Variants in UNC80 observed in about 807,000 individuals in gnomAD.
UNC80 encodes protein unc-80 homolog.
UNC80 carries 164 observed loss-of-function variants against 384.6 expected under a neutral mutation model. The ratio of observed to expected loss-of-function variants is 0.43; its 90% CI spans 0.38 to 0.49. The LOEUF is 0.49. UNC80 is among the 20% of genes least tolerant of loss of function. UNC80 has a pLI of 0.00. For missense variants in UNC80, 3,330 were observed against 4,143.0 expected, an observed-to-expected ratio of 0.80 and a Z score of 5.39; for synonymous variants, 1,486 against 1,527.8, an observed-to-expected ratio of 0.97 and a Z score of 0.64.
Position 209,777,477 on chromosome 2 carries a change from A to G in UNC80, c.518A>G (p.Asn173Ser), listed in dbSNP as rs764332970. 3.1e-6 allele frequency: 5 copies of G among 1,614,082 alleles called. No individual in the cohort carries two copies. Among genetic ancestry groups the G allele is most frequent in the African/African-American group, 2.7e-5 (2 of 74,930 alleles). Residue 173 changes from asparagine (N) to serine (S), a missense_variant, in exon 4 of 65, where the codon AAC (asparagine) becomes AGC (serine). By Grantham distance (46) the Asn-to-Ser change is conservative. Coordinates refer to ENST00000673920, the MANE Select transcript of UNC80 (RefSeq NM_001371986.1). Reference sequence around the variant, plus strand: ...AGCTCTAATGACGAAGAAGAGAACAACCGAAGAAAGATCTTCCAGAACTCC... The same window carrying G: ...AGCTCTAATGACGAAGAAGAGAACAGCCGAAGAAAGATCTTCCAGAACTCC... ...QSSSNDEEEN[N>S]RRKIFQNSMA... is the part of the protein sequence containing the mutation.
At chr2:209,914,681 G>GTGTGTGTGTA (rs770809140) in intron 31 of UNC80, among the ~76,000 whole-genome samples, 9 of 149,554 alleles carry the variant, frequency 6.0e-5, no homozygotes, top group African/African-American at 2.2e-4. Flanking sequence ...GTGTGTGTGT[G>GTGTGTGTGTA]TATATAAATA....
intron 23 of UNC80, among the ~76,000 whole-genome samples, chr2:209,873,416 A>G (rs1449340796): frequency 1.3e-5 from 2 of 152,166 alleles, no homozygotes; most frequent in African/African-American, 4.8e-5. Flanking sequence ...CTAATTTCTT[A>G]GTGAAATTTT....
chr2:209,886,690 T>G (rs1559265845), intron 25 of UNC80, among the ~76,000 whole-genome samples: 2 of 152,126 alleles, frequency 1.3e-5, no homozygotes. Context: ...CCTCTGGCCT[T>G]CATGCATGAG....
chr2:209,888,760 T>C lies in UNC80; in HGVS notation c.4276+500T>C, dbSNP rs569936034. On this transcript the variant is annotated intron_variant, in intron 26 of 64. Coordinates refer to ENST00000673920, the MANE Select transcript of UNC80 (RefSeq NM_001371986.1). ...CCTCCCTAGTAGCTGGGATTACAGG[T>C]GCCCGCCACCACGCCCGGCTAATTT... Among the ~76,000 whole-genome samples the C allele has an allele frequency of 2.2e-3, 329 of 152,122 alleles. 1 individual carries two copies. The highest frequency in any genetic ancestry group is 7.6e-3 in the African/African-American group (317 of 41,500).
At chr2:209,852,735 G>A (rs1007916436) in intron 22 of UNC80, among the ~76,000 whole-genome samples, 1 of 152,064 alleles carries the variant, frequency 6.6e-6, no homozygotes, top group Non-Finnish European at 1.5e-5. Flanking sequence ...TGGGTTAGGG[G>A]TTCCTCAGGG....
chr2:209,840,449 C>CT (rs1197719472), intron 19 of UNC80, 93 bp from the exon 20 acceptor site: 1 of 1,049,898 alleles, frequency 9.5e-7, no homozygotes, highest in African/African-American at 1.6e-5. Flanking sequence ...AGCCATGTAA[C>CT]TTTCATCGCT....
chr2:209,792,417 G>A (rs1421380112), intron 6 of UNC80, among the ~76,000 whole-genome samples: 1 of 152,162 alleles, frequency 6.6e-6, no homozygotes, highest in South Asian at 2.1e-4. Context: ...GCGCGATCTT[G>A]GCTCACTGAA....
intron 28 of UNC80, 68 bp from the exon 29 acceptor site, chr2:209,904,697 C>A: frequency 1.5e-6 from 2 of 1,363,902 alleles, no homozygotes; most frequent in Non-Finnish European, 2.0e-6. Flanking sequence ...ATCTTCCACC[C>A]CATAGATATG....
chr2:209,805,424 T>C lies in UNC80; in HGVS notation c.939-8156T>C, dbSNP rs1458725345. Among the ~76,000 whole-genome samples, 7 of 152,226 alleles carry C rather than the reference T, an allele frequency of 4.6e-5. No homozygotes were observed. The East Asian group carries it at 1.3e-3, about 29-fold the overall frequency. ...AGCAGTTTAAAACAAAGGACGTTTATTTTTTTGCATAGTTTCTGAGGATCA... is the reference window on the plus strand; with the variant it reads ...AGCAGTTTAAAACAAAGGACGTTTACTTTTTTGCATAGTTTCTGAGGATCA... On this transcript the variant is annotated intron_variant, in intron 7 of 64. Coordinates refer to ENST00000673920, the MANE Select transcript of UNC80 (RefSeq NM_001371986.1).
At chr2:209,878,876 C>T (rs2085016324) in intron 24 of UNC80, among the ~76,000 whole-genome samples, 1 of 152,134 alleles carries the variant, frequency 6.6e-6, no homozygotes, top group African/African-American at 2.4e-5. Context: ...ATTCAAGCTC[C>T]CTGACTACAT....
At chr2:209,805,115 TC>T (rs2078811706) in intron 7 of UNC80, among the ~76,000 whole-genome samples, 1 of 152,222 alleles carries the variant, frequency 6.6e-6, no homozygotes, top group Non-Finnish European at 1.5e-5. Flanking sequence ...CTTTTCTCCC[TC>T]AACTTACTAT....
chr2:209,835,067 A>G, intron 18 of UNC80, 57 bp downstream of exon 18: 1 of 1,359,112 alleles, frequency 7.4e-7, no homozygotes, highest in Non-Finnish European at 1.0e-6. Context: ...ACTCTGGAAG[A>G]ATTTCTATTT....
intron 22 of UNC80, among the ~76,000 whole-genome samples, chr2:209,861,477 A>G (rs2083338091): frequency 6.6e-6 from 1 of 152,138 alleles, no homozygotes; most frequent in Non-Finnish European, 1.5e-5. Flanking sequence ...TTTCACACAG[A>G]TGTTCATCAG....
intron 51 of UNC80, among the ~76,000 whole-genome samples, chr2:209,964,955 G>T (rs903106902): frequency 5.3e-5 from 8 of 151,986 alleles, no homozygotes; most frequent in Admixed American, 2.6e-4. Context: ...GAATATTTGG[G>T]TTTTTTAAAA....
At chr2:209,928,373 A>G (rs371915619) in intron 36 of UNC80, among the ~76,000 whole-genome samples, 1 of 152,070 alleles carries the variant, frequency 6.6e-6, no homozygotes, top group Non-Finnish European at 1.5e-5. Context: ...ACGTAAATAT[A>G]TATTTCATGT....
chr2:209,997,314 C>G lies in UNC80; in HGVS notation c.*1719C>G, dbSNP rs1452700464. On this transcript the variant is annotated 3_prime_UTR_variant, in exon 65 of 65. Transcript: ENST00000673920. Reference sequence around the variant, plus strand: ...ATTTACAGTTAATGCTGAAATAATTCTCAAGTGCAGGAATATAAATGTTAA... The same window carrying G: ...ATTTACAGTTAATGCTGAAATAATTGTCAAGTGCAGGAATATAAATGTTAA... 1.3e-5 allele frequency: 2 copies of G among 152,196 alleles called. No individual in the cohort carries two copies. Among genetic ancestry groups the G allele is most frequent in the African/African-American group, 4.8e-5 (2 of 41,524 alleles). 9.4% of individuals were successfully genotyped at this position (152,196 alleles called of 1,614,324 possible). A position where few individuals can be genotyped will look rare whatever the true frequency, so the allele number is the denominator to read the frequency against.
At chr2:209,960,980 C>T (rs892455924) in intron 51 of UNC80, 6 of 152,124 alleles carry the variant, frequency 3.9e-5, no homozygotes, top group African/African-American at 1.2e-4. Context: ...AACAGAGAAA[C>T]ATCACATTCC....
chr2:209,975,591 C>G (rs766946401), intron 56 of UNC80, among the ~76,000 whole-genome samples: 4 of 152,086 alleles, frequency 2.6e-5, no homozygotes, highest in Admixed American at 6.5e-5. Context: ...AGGAAGGGAA[C>G]TGGGAAGGAA....
chr2:209,994,080 C>G lies in UNC80; in HGVS notation c.9524C>G (p.Ser3175Cys). 1 of 1,551,062 alleles carries G rather than the reference C, an allele frequency of 6.4e-7. No homozygotes were observed. The highest frequency in any genetic ancestry group is 2.4e-5 in the East Asian group (1 of 40,840). ...KTKPSADQKR[S>C]VTFIEAQPEP... Reference sequence around the variant, plus strand: ...CTACCTGCAGCGGATCAGAAACGATCTGTGACCTTCATTGAGGCTCAGCCA... The same window carrying G: ...CTACCTGCAGCGGATCAGAAACGATGTGTGACCTTCATTGAGGCTCAGCCA... The change falls in exon 64 of 65, where the codon TCT (serine) becomes TGT (cysteine). Residue 3175 changes from serine (S) to cysteine (C), a missense_variant. Ser to Cys is a moderately radical substitution (Grantham distance 112). Coordinates refer to ENST00000673920, the MANE Select transcript of UNC80 (RefSeq NM_001371986.1).
Sources: allele counts gnomAD v4.1 joint callset (sites outside exome capture counted in the v4.1 genomes callset), GRCh38; gene constraint gnomAD v4.1.1; transcripts MANE v1.5; gene names NCBI Gene and HGNC (gene_info 2026-07-23, HGNC 2026-07-21).